The following CREB5 variants were observed in gnomAD, a reference collection of about 807,000 sequenced individuals.
The protein encoded by CREB5 is cAMP responsive element binding protein 5.
In CREB5, 19 loss-of-function variants were observed where a neutral mutation model predicts 57.1. The ratio of observed to expected loss-of-function variants is 0.33; its 90% CI spans 0.23 to 0.49. The LOEUF (loss-of-function observed/expected upper bound fraction) is 0.49, where lower values mean the gene tolerates loss of function less well. CREB5 is among the 20% of genes least tolerant of loss of function. The pLI, the probability that CREB5 is intolerant of heterozygous loss-of-function variation, is 0.99. For missense variants in CREB5, 579 were observed against 671.6 expected, an observed-to-expected ratio of 0.86 and a Z score of 1.52; for synonymous variants, 238 against 238.3, an observed-to-expected ratio of 1.00 and a Z score of 0.01.
intron 4 of CREB5, among the ~76,000 whole-genome samples, chr7:28,523,469 T>A (rs77002547): frequency 0.01 from 1,536 of 152,298 alleles, 30 homozygotes; most frequent in African/African-American, 0.035. Flanking sequence ...GCTAGTGATA[T>A]AAAGGAAAGT....
chr7:28,752,031 G>A (rs1805006748), intron 7 of CREB5, among the ~76,000 whole-genome samples: 1 of 152,162 alleles, frequency 6.6e-6, no homozygotes, highest in Non-Finnish European at 1.5e-5. Flanking sequence ...CAGAGGTGAT[G>A]TTGTACCCTT....
At chr7:28,316,294 A>C (rs1785378340) in intron 1 of CREB5, among the ~76,000 whole-genome samples, 1 of 152,136 alleles carries the variant, frequency 6.6e-6, no homozygotes, top group African/African-American at 2.4e-5. Flanking sequence ...TGCCTGGAGC[A>C]CTTGCAGACA....
At chr7:28,594,813 G>T (rs1308159536) in intron 5 of CREB5, among the ~76,000 whole-genome samples, 1 of 151,936 alleles carries the variant, frequency 6.6e-6, no homozygotes, top group Admixed American at 6.6e-5. Context: ...TACATGTGAG[G>T]CCCAGCTAAC....
chr7:28,689,909 GGTGTGTGTGTGTGTGTGTGTGT>G (rs34310030), intron 5 of CREB5, among the ~76,000 whole-genome samples: 1 of 141,578 alleles, frequency 7.1e-6, no homozygotes. Flanking sequence ...ACTTGTATTT[GGTGTGTGTGTGTGTGTGTGTGT>G]GTGTGTGTGT....
chr7:28,691,538 G>C (rs780956745), intron 5 of CREB5, among the ~76,000 whole-genome samples: 10 of 151,694 alleles, frequency 6.6e-5, no homozygotes, highest in Non-Finnish European at 1.5e-4. Context: ...ATATTTTCTA[G>C]TGGTTAAAAA....
At chr7:28,626,156 G>A (rs78771487) in intron 5 of CREB5, among the ~76,000 whole-genome samples, 6,791 of 152,180 alleles carry the variant, frequency 0.045, 524 homozygotes, top group African/African-American at 0.15. Context: ...TCTGTATCAA[G>A]TAGAGATCAC....
At chr7:28,303,364 A>C (rs1785133611) in intron 1 of CREB5, among the ~76,000 whole-genome samples, 1 of 152,224 alleles carries the variant, frequency 6.6e-6, no homozygotes, top group African/African-American at 2.4e-5. Flanking sequence ...AAACAAAGTA[A>C]CATATGATTA....
intron 7 of CREB5, among the ~76,000 whole-genome samples, chr7:28,789,225 T>A (rs1371622410): frequency 6.6e-6 from 1 of 152,252 alleles, no homozygotes; most frequent in Non-Finnish European, 1.5e-5. Flanking sequence ...AGGTATTATA[T>A]GAATCACTGA....
chr7:28,696,756 A>T (rs1334700014), intron 5 of CREB5, among the ~76,000 whole-genome samples: 1 of 151,890 alleles, frequency 6.6e-6, no homozygotes, highest in Non-Finnish European at 1.5e-5. Flanking sequence ...TACACACACT[A>T]CATACACACA....
At chr7:28,813,178 G>A (rs1281983704) in intron 9 of CREB5, among the ~76,000 whole-genome samples, 2 of 152,162 alleles carry the variant, frequency 1.3e-5, no homozygotes, top group Admixed American at 6.5e-5. Flanking sequence ...GCAGAATGAG[G>A]ACTCAGGGAA....
At chr7:28,592,644 G>A (rs1304721196) in intron 5 of CREB5, among the ~76,000 whole-genome samples, 1 of 152,100 alleles carries the variant, frequency 6.6e-6, no homozygotes, top group African/African-American at 2.4e-5. Flanking sequence ...AACATGCATG[G>A]ATCAGTTAGT....
chr7:28,667,842 T>C (rs1374460716), intron 5 of CREB5, among the ~76,000 whole-genome samples: 4 of 152,230 alleles, frequency 2.6e-5, no homozygotes, highest in African/African-American at 4.8e-5. Context: ...TTGAGAAATA[T>C]GTTAGACTGA....
At chr7:28,806,738 G>A (rs1010352242) in intron 8 of CREB5, among the ~76,000 whole-genome samples, 3 of 152,304 alleles carry the variant, frequency 2.0e-5, no homozygotes, top group South Asian at 2.1e-4. Flanking sequence ...CTGAAACCAC[G>A]TCACTTATGC....
At chr7:28,306,990 CCAG>C (rs1417445348) in intron 1 of CREB5, among the ~76,000 whole-genome samples, 1 of 152,278 alleles carries the variant, frequency 6.6e-6, no homozygotes, top group Non-Finnish European at 1.5e-5. Flanking sequence ...AGTTATTGCT[CCAG>C]CAGTTTTTAC....
At chr7:28,642,987 T>G (rs57470237) in intron 5 of CREB5, among the ~76,000 whole-genome samples, 2 of 98,332 alleles carry the variant, frequency 2.0e-5, no homozygotes, top group Non-Finnish European at 2.1e-5. Flanking sequence ...CACACACACA[T>G]ACACACACAC....
chr7:28,425,139 T>C (rs1247824759), intron 1 of CREB5, among the ~76,000 whole-genome samples: 1 of 152,096 alleles, frequency 6.6e-6, no homozygotes, highest in Non-Finnish European at 1.5e-5. Context: ...TGAAAATATG[T>C]CCAACATCAC....
At chr7:28,711,354 G>C (rs1047930042) in intron 5 of CREB5, among the ~76,000 whole-genome samples, 2 of 152,204 alleles carry the variant, frequency 1.3e-5, no homozygotes, top group African/African-American at 4.8e-5. Flanking sequence ...CGTGGAAAGA[G>C]AGAATACATG....
At chr7:28,551,369 C>T (rs1047568189) in intron 4 of CREB5, among the ~76,000 whole-genome samples, 2 of 152,252 alleles carry the variant, frequency 1.3e-5, no homozygotes, top group African/African-American at 4.8e-5. Context: ...CCCCAAGCTT[C>T]CTTCCCCTTC....
chr7:28,586,452 C>T (rs1796310493), intron 5 of CREB5, among the ~76,000 whole-genome samples: 1 of 152,208 alleles, frequency 6.6e-6, no homozygotes, highest in South Asian at 2.1e-4. Flanking sequence ...CAATAGGGTA[C>T]CTGTCCCTGC....
Sources: gnomAD v4.1 joint callset for allele counts (sites outside exome capture counted in the v4.1 genomes callset) on GRCh38, gnomAD v4.1.1 for gene constraint, MANE v1.5 for transcripts, NCBI Gene and HGNC (gene_info 2026-07-23, HGNC 2026-07-21) for gene names.